Variants in PRMT7 observed in about 807,000 individuals in gnomAD.
PRMT7 encodes the protein protein arginine methyltransferase 7.
Under a neutral mutation model 85.4 loss-of-function variants are expected in PRMT7, and 75 were observed. The ratio of observed to expected loss-of-function variants is 0.88; its 90% confidence interval spans 0.73 to 1.06. The LOEUF is 1.06. PRMT7 is among the 50% of genes least tolerant of loss of function. PRMT7 has a pLI of 0.00. For synonymous variants in PRMT7, 397 were observed against 359.5 expected, an observed-to-expected ratio of 1.10 and a Z score of -1.18; for missense variants, 868 against 915.2, an observed-to-expected ratio of 0.95 and a Z score of 0.67.
At chr16:68,320,923 A>G (rs566981904) in intron 3 of PRMT7, among the ~76,000 whole-genome samples, 1 of 152,264 alleles carries the variant, frequency 6.6e-6, no homozygotes, top group African/African-American at 2.4e-5. Flanking sequence ...GGCTGTTCAT[A>G]GCCACTGCAC....
chr16:68,343,332 G>C (rs185439123), intron 9 of PRMT7, among the ~76,000 whole-genome samples: 2 of 152,316 alleles, frequency 1.3e-5, no homozygotes, highest in African/African-American at 4.8e-5. Flanking sequence ...GACTCAGCAG[G>C]CTCCAGGGAT....
At position 68,339,561 on chromosome 16, in the gene PRMT7, C is replaced by G; in HGVS notation, c.744C>G (p.Phe248Leu). The G allele has an allele frequency of 6.2e-7, 1 of 1,613,176 alleles. No homozygotes were observed. Among genetic ancestry groups the G allele is most frequent in the East Asian group, 2.2e-5 (1 of 44,888 alleles). ...FTVLSDVLPM[F>L]SIDFSKQVSS... Reference sequence around the variant, plus strand: ...TCCTCAGCGATGTGCTGCCCATGTTCAGGTACCAAGGAGCCACCATAGGTG... The same window carrying G: ...TCCTCAGCGATGTGCTGCCCATGTTGAGGTACCAAGGAGCCACCATAGGTG... The change falls in exon 8 of 19, where the codon TTC (phenylalanine) becomes TTG (leucine). Residue 248 changes from phenylalanine to leucine, a missense_variant and splice_region_variant. Transcript: ENST00000441236.
Position 68,339,882 on chromosome 16 carries a change from T to TG in PRMT7, c.843dup (p.Trp282ValfsTer4), listed in dbSNP as rs1567698943. On this transcript the variant is annotated frameshift_variant, in exon 9 of 19. Transcript: ENST00000441236. LOFTEE classifies it high-confidence loss of function. ...TGGCCGAGCTCAGGTGGTTCTCTCG[T>TG]GGTGGGACATTGAAATGGACCCTGA... is the stretch of plus-strand genomic sequence containing the variant. 1 of 1,614,176 alleles carries TG rather than the reference T, an allele frequency of 6.2e-7. No individual in the cohort carries two copies. The highest frequency in any genetic ancestry group is 1.3e-5 in the African/African-American group (1 of 75,066).
At chr16:68,319,939 T>C (rs954185815) in intron 3 of PRMT7, among the ~76,000 whole-genome samples, 15 of 152,180 alleles carry the variant, frequency 9.9e-5, no homozygotes, top group Admixed American at 6.6e-4. Flanking sequence ...GTAGGAAATA[T>C]GGAGAAGTGA....
At chr16:68,329,001 T>G in intron 5 of PRMT7, 65 bp from the exon 6 acceptor site, 1 of 1,155,656 alleles carries the variant, frequency 8.7e-7, no homozygotes, top group Non-Finnish European at 1.3e-6. Flanking sequence ...CTTGCTCACC[T>G]TAAAGGTCAG....
At chr16:68,332,016 G>A (rs915132320) in intron 6 of PRMT7, among the ~76,000 whole-genome samples, 76 of 152,088 alleles carry the variant, frequency 5.0e-4, no homozygotes, top group Non-Finnish European at 7.9e-4. Flanking sequence ...GGATGCTGTG[G>A]CTATTTGGAA....
At chr16:68,335,928 C>A (rs1034595110) in intron 6 of PRMT7, among the ~76,000 whole-genome samples, 20 of 152,212 alleles carry the variant, frequency 1.3e-4, no homozygotes, top group African/African-American at 4.1e-4. Context: ...AGGCACCCAT[C>A]ACCACGCCTG....
rs145640515 is a variant in PRMT7, at chr16:68,346,168, G to C, written c.1079G>C (p.Arg360Pro). The change falls in exon 11 of 19, where the codon CGC becomes CCC. Residue 360 changes from arginine to proline, a missense_variant. Transcript: ENST00000441236. ...AGCCCTGAAAAGAATGAGAGAGTCC[G>C]CCAGATGCGCCCCGTGTGTGACTGC... ...RTSPEKNERV[R>P]QMRPVCDCQA... 3 of 1,613,802 alleles carry C rather than the reference G, an allele frequency of 1.9e-6. No homozygotes were observed. Among genetic ancestry groups the C allele is most frequent in the Non-Finnish European group, 2.5e-6 (3 of 1,180,030 alleles).
chr16:68,316,015 G>A lies in PRMT7; in HGVS notation c.36G>A (p.Thr12=), dbSNP rs777581124. The A allele has an allele frequency of 1.9e-6, 3 of 1,613,736 alleles. No individual in the cohort carries two copies. Among genetic ancestry groups the A allele is most frequent in the Admixed American group, 1.7e-5 (1 of 60,012 alleles). The change falls in exon 3 of 19, where the codon ACG becomes ACA. Residue 12 remains threonine (T), a synonymous_variant. Transcript: ENST00000441236. Reference sequence around the variant, plus strand: ...TCTGCAGTCGGGCCAATCCGACCACGGGGTCTGTGGAGTGGCTGGAGGAGG... The same window carrying A: ...TCTGCAGTCGGGCCAATCCGACCACAGGGTCTGTGGAGTGGCTGGAGGAGG... ...KIFCSRANPT[T]GSVEWLEEDE... is the part of the protein sequence containing the mutation.
rs1437424869 is a variant in PRMT7, at chr16:68,311,180, T to C, written c.-219+81T>C. On this transcript the variant is annotated intron_variant, in intron 1 of 18. Coordinates refer to ENST00000441236, the MANE Select transcript of PRMT7 (RefSeq NM_019023.5). ...GAGCATGGTGTCCTTGGCACCAGGG[T>C]TTCGGCAGAGGAGCCTAGCGTGGGC... 3 of 602,376 alleles carry C rather than the reference T, an allele frequency of 5.0e-6. No individual in the cohort carries two copies. The African/African-American group carries it at 5.5e-5, about 11-fold the overall frequency. 37.3% of individuals were successfully genotyped at this position (602,376 alleles called of 1,614,324 possible). A position where few individuals can be genotyped will look rare whatever the true frequency, so the allele number is the denominator to read the frequency against.
rs772606638 is a variant in PRMT7, at chr16:68,346,328, G to A, written c.1191+48G>A. 4 of 1,607,458 alleles carry A rather than the reference G, an allele frequency of 2.5e-6. No homozygotes were observed. The African/African-American group carries it at 4.0e-5, about 16-fold the overall frequency. ...TGTTGTGGGGAAAAGGGAGAAAGAA[G>A]TTTGTCCCATGAACCCCAGCACTTT... On this transcript the variant is annotated intron_variant, in intron 11 of 18. Coordinates refer to ENST00000441236, the MANE Select transcript of PRMT7 (RefSeq NM_019023.5).
intron 3 of PRMT7, among the ~76,000 whole-genome samples, chr16:68,317,867 G>A (rs1216476403): frequency 6.6e-6 from 1 of 150,502 alleles, no homozygotes; most frequent in Admixed American, 6.6e-5. Context: ...CACACACACA[G>A]ATGGGCTATT....
At chr16:68,323,361 G>A (rs905703535) in intron 4 of PRMT7, among the ~76,000 whole-genome samples, 1 of 151,908 alleles carries the variant, frequency 6.6e-6, no homozygotes, top group African/African-American at 2.4e-5. Context: ...TGGGGTTACA[G>A]GCATGCGCCA....
At chr16:68,326,026 A>G (rs958290291) in intron 5 of PRMT7, among the ~76,000 whole-genome samples, 1 of 152,208 alleles carries the variant, frequency 6.6e-6, no homozygotes, top group Non-Finnish European at 1.5e-5. Context: ...AAAACCAAAC[A>G]AAATTAAAAA....
chr16:68,353,043 C>T (rs879822162), intron 15 of PRMT7, among the ~76,000 whole-genome samples: 2 of 152,120 alleles, frequency 1.3e-5, no homozygotes, highest in African/African-American at 2.4e-5. Context: ...GGGGATGTCA[C>T]GATCCATGCG....
At chr16:68,311,386 A>C in intron 1 of PRMT7, 2 of 254,298 alleles carry the variant, frequency 7.9e-6, no homozygotes, top group Non-Finnish European at 7.9e-6. Context: ...CAACCATCGC[A>C]CCCCTAACTG....
At chr16:68,339,674 A>G in intron 8 of PRMT7, 111 bp downstream of exon 8, 1 of 1,578,134 alleles carries the variant, frequency 6.3e-7, no homozygotes. Context: ...ACCTGCCTCG[A>G]AGGCAAGAGT....
chr16:68,341,973 G>T (rs1368447042), intron 9 of PRMT7, among the ~76,000 whole-genome samples: 1 of 152,044 alleles, frequency 6.6e-6, no homozygotes, highest in Non-Finnish European at 1.5e-5. Flanking sequence ...GGGGAAGGAC[G>T]GTTATCATTT....
At chr16:68,316,594 C>T (rs1459500267) in intron 3 of PRMT7, among the ~76,000 whole-genome samples, 2 of 151,900 alleles carry the variant, frequency 1.3e-5, no homozygotes, top group African/African-American at 2.4e-5. Flanking sequence ...GGAGAAACCC[C>T]GTTTCTACTA....
Sources: gnomAD v4.1 joint callset for allele counts (sites outside exome capture counted in the v4.1 genomes callset) on GRCh38, gnomAD v4.1.1 for gene constraint, MANE v1.5 for transcripts, NCBI Gene and HGNC (gene_info 2026-07-23, HGNC 2026-07-21) for gene names.